The following UBE2E2 variants were observed in gnomAD, a reference collection of about 807,000 sequenced individuals.
UBE2E2 encodes the protein ubiquitin-conjugating enzyme E2 E2.
UBE2E2 carries 6 observed loss-of-function variants against 24.7 expected under a neutral mutation model. That is an observed-to-expected ratio of 0.24 (90% CI 0.13 to 0.48). The LOEUF (loss-of-function observed/expected upper bound fraction) is 0.48, where lower values mean the gene tolerates loss of function less well. Among genes scored for constraint, UBE2E2 ranks in the 20% least tolerant of loss-of-function variants. The pLI, the probability that UBE2E2 is intolerant of heterozygous loss-of-function variation, is 0.99. For missense variants in UBE2E2, 169 were observed against 245.0 expected (o/e 0.69, Z 2.07); for synonymous variants, 104 against 83.6 (o/e 1.24, Z -1.33).
chr3:23,558,319 C>G (rs1470653998), intron 5 of UBE2E2, among the ~76,000 whole-genome samples: 1 of 152,166 alleles, frequency 6.6e-6, no homozygotes, highest in Non-Finnish European at 1.5e-5. Context: ...TCCAAGTGTG[C>G]AAATGGTATT....
intron 4 of UBE2E2, among the ~76,000 whole-genome samples, chr3:23,510,062 T>C (rs889341795): frequency 6.6e-6 from 1 of 152,192 alleles, no homozygotes; most frequent in Non-Finnish European, 1.5e-5. Context: ...TCATTAGAGT[T>C]GGAGCAGGAT....
At chr3:23,331,517 A>C (rs1286578606) in intron 3 of UBE2E2, among the ~76,000 whole-genome samples, 1 of 151,506 alleles carries the variant, frequency 6.6e-6, no homozygotes, top group Non-Finnish European at 1.5e-5. Context: ...GGAGGGGGGT[A>C]AGGTGGTGAT....
chr3:23,388,382 T>G (rs191832313), intron 3 of UBE2E2, among the ~76,000 whole-genome samples: 3 of 152,340 alleles, frequency 2.0e-5, no homozygotes, highest in Admixed American at 2.0e-4. Flanking sequence ...TATTGTTTGT[T>G]CTCTTACATC....
At chr3:23,298,219 C>T (rs1417964000) in intron 3 of UBE2E2, among the ~76,000 whole-genome samples, 2 of 152,160 alleles carry the variant, frequency 1.3e-5, no homozygotes, top group African/African-American at 4.8e-5. Context: ...GATATACAAT[C>T]ATGTCGTCTG....
At position 23,514,746 on chromosome 3, in the gene UBE2E2, G is replaced by C. The variant is rs1471604978; in HGVS notation, c.360+15006G>C. Among the ~76,000 whole-genome samples, 4 of 152,064 alleles carry C rather than the reference G, an allele frequency of 2.6e-5. No individual in the cohort carries two copies. In the East Asian group the frequency reaches 7.7e-4, roughly 29 times the overall value. On this transcript the variant is annotated intron_variant, in intron 4 of 5. Transcript: ENST00000396703. ...TGAGACAAGGAGAAATGTCTTAGGA[G>C]TCTGGTCAAATAGAGGGGTTTCATT... is the stretch of plus-strand genomic sequence containing the variant.
chr3:23,361,298 A>T (rs948996450), intron 3 of UBE2E2, among the ~76,000 whole-genome samples: 1 of 152,244 alleles, frequency 6.6e-6, no homozygotes, highest in Admixed American at 6.5e-5. Context: ...AAGTAGAACT[A>T]CTATTTGATC....
chr3:23,243,748 CTT>C (rs72104834), intron 3 of UBE2E2, among the ~76,000 whole-genome samples: 157 of 144,266 alleles, frequency 1.1e-3, no homozygotes, highest in South Asian at 2.0e-3. Context: ...AATAGTATTT[CTT>C]TTTTTTTTTT....
intron 3 of UBE2E2, among the ~76,000 whole-genome samples, chr3:23,333,034 A>T (rs1488375310): frequency 1.3e-5 from 2 of 152,126 alleles, no homozygotes; most frequent in African/African-American, 2.4e-5. Flanking sequence ...GACATTGGTG[A>T]TGTATTACTC....
intron 3 of UBE2E2, among the ~76,000 whole-genome samples, chr3:23,355,281 A>G (rs978923867): frequency 6.6e-6 from 1 of 151,968 alleles, no homozygotes; most frequent in Non-Finnish European, 1.5e-5. Flanking sequence ...CTAATGCTAC[A>G]TGACGAGTTA....
intron 3 of UBE2E2, among the ~76,000 whole-genome samples, chr3:23,356,100 C>A (rs997368516): frequency 6.6e-6 from 1 of 152,176 alleles, no homozygotes; most frequent in African/African-American, 2.4e-5. Flanking sequence ...GCAGAGTAGA[C>A]CTGATGCTCA....
intron 3 of UBE2E2, among the ~76,000 whole-genome samples, chr3:23,237,667 T>C (rs920170311): frequency 2.6e-5 from 4 of 152,168 alleles, no homozygotes; most frequent in African/African-American, 9.6e-5. Context: ...ATGAAATCTT[T>C]AATTTTTTTA....
intron 3 of UBE2E2, among the ~76,000 whole-genome samples, chr3:23,226,161 G>A (rs760499734): frequency 3.2e-4 from 49 of 152,168 alleles, no homozygotes; most frequent in South Asian, 8.3e-4. Flanking sequence ...TTACAGGTGT[G>A]AGCCACTGCG....
At chr3:23,273,338 G>A (rs1002466754) in intron 3 of UBE2E2, among the ~76,000 whole-genome samples, 1 of 152,004 alleles carries the variant, frequency 6.6e-6, no homozygotes, top group African/African-American at 2.4e-5. Flanking sequence ...AGGAGATCGA[G>A]ACCATGGTGA....
At chr3:23,519,482 A>T (rs1314910097) in intron 4 of UBE2E2, among the ~76,000 whole-genome samples, 1 of 152,174 alleles carries the variant, frequency 6.6e-6, no homozygotes, top group African/African-American at 2.4e-5. Context: ...AACTACATCT[A>T]TTCTGCATAG....
intron 3 of UBE2E2, among the ~76,000 whole-genome samples, chr3:23,353,179 TCAA>T (rs1391703201): frequency 1.3e-5 from 2 of 152,194 alleles, no homozygotes; most frequent in Non-Finnish European, 2.9e-5. Flanking sequence ...TTGACAAAAT[TCAA>T]CAACACTTCA....
At chr3:23,387,215 T>G (rs1160841723) in intron 3 of UBE2E2, among the ~76,000 whole-genome samples, 2 of 152,202 alleles carry the variant, frequency 1.3e-5, no homozygotes, top group African/African-American at 4.8e-5. Context: ...TGGTTATAGA[T>G]TTCTGTGGTT....
At chr3:23,498,292 G>A (rs1056021171) in intron 3 of UBE2E2, among the ~76,000 whole-genome samples, 1 of 152,088 alleles carries the variant, frequency 6.6e-6, no homozygotes, top group African/African-American at 2.4e-5. Context: ...AACAGCATTT[G>A]TTTATTTACT....
intron 3 of UBE2E2, among the ~76,000 whole-genome samples, chr3:23,223,455 A>C (rs1696720601): frequency 6.6e-6 from 1 of 152,070 alleles, no homozygotes; most frequent in South Asian, 2.1e-4. Context: ...GGCCTCCCAA[A>C]GTGCTAGTAT....
At chr3:23,353,501 C>T (rs1337145348) in intron 3 of UBE2E2, among the ~76,000 whole-genome samples, 1 of 152,152 alleles carries the variant, frequency 6.6e-6, no homozygotes, top group Non-Finnish European at 1.5e-5. Context: ...CGTGTCAGCC[C>T]AAAATCTCCT....
Sources: allele counts gnomAD v4.1 joint callset (sites outside exome capture counted in the v4.1 genomes callset), GRCh38; gene constraint gnomAD v4.1.1; transcripts MANE v1.5; gene names NCBI Gene and HGNC (gene_info 2026-07-23, HGNC 2026-07-21).